KIF6: variants seen among roughly 807,000 people sequenced by gnomAD.
KIF6 encodes kinesin family member 6.
KIF6 carries 106 observed loss-of-function variants against 112.7 expected under a neutral mutation model. The observed-to-expected ratio is 0.94, with a 90% CI of 0.80 to 1.11. The LOEUF (loss-of-function observed/expected upper bound fraction) is 1.11, where lower values mean the gene tolerates loss of function less well. KIF6 is among the 50% of genes least tolerant of loss of function. The pLI, the probability that KIF6 is intolerant of heterozygous loss-of-function variation, is 0.00. For missense variants in KIF6, 929 were observed against 964.0 expected, an observed-to-expected ratio of 0.96 and a Z score of 0.48; for synonymous variants, 339 against 339.9, an observed-to-expected ratio of 1.00 and a Z score of 0.03.
At chr6:39,399,746 C>T (rs537053881) in intron 15 of KIF6, among the ~76,000 whole-genome samples, 2 of 152,354 alleles carry the variant, frequency 1.3e-5, no homozygotes, top group East Asian at 3.9e-4. Flanking sequence ...GGCTGGAAGC[C>T]TATGGGTCAA....
chr6:39,550,456 G>A (rs1340643266), intron 10 of KIF6, among the ~76,000 whole-genome samples: 1 of 152,224 alleles, frequency 6.6e-6, no homozygotes, highest in Non-Finnish European at 1.5e-5. Flanking sequence ...GCATGCAGCA[G>A]CACAGTATTA....
intron 3 of KIF6, among the ~76,000 whole-genome samples, chr6:39,679,202 C>A (rs917601536): frequency 6.6e-6 from 1 of 152,096 alleles, no homozygotes; most frequent in Non-Finnish European, 1.5e-5. Context: ...CTAACTGTAC[C>A]TACTTGTGTG....
At chr6:39,438,249 C>T (rs1771681017) in intron 13 of KIF6, among the ~76,000 whole-genome samples, 1 of 152,216 alleles carries the variant, frequency 6.6e-6, no homozygotes, top group Non-Finnish European at 1.5e-5. Flanking sequence ...ACTGGGATTA[C>T]AGGTGTGAGC....
rs145128477 is a variant in KIF6 at position 39,613,197 on chromosome 6, T to A, written c.631A>T (p.Ile211Phe). 1 of 1,593,254 alleles carries A rather than the reference T, an allele frequency of 6.3e-7. No homozygotes were observed. The highest frequency in any genetic ancestry group is 2.3e-5 in the East Asian group (1 of 43,776). Residue 211 changes from isoleucine to phenylalanine, a missense_variant, in exon 6 of 23, where the codon ATT becomes TTT. By Grantham distance (21) the Ile-to-Phe change is conservative (BLOSUM62 0). This residue lies in a region of KIF6 where 688 missense variants were observed against 662.7 expected (regional missense o/e 1.04). Coordinates refer to ENST00000287152, the MANE Select transcript of KIF6 (RefSeq NM_145027.6). ...AGAGAGAAGTTTATTACCTCTGCAA[T>A]CATTCGGTTGGTGTCTCCTAAAAAA... ...LLFLGDTNRM[I>F]AETPMNQAST...
At chr6:39,404,022 G>T (rs922524822) in intron 15 of KIF6, among the ~76,000 whole-genome samples, 7 of 151,440 alleles carry the variant, frequency 4.6e-5, no homozygotes, top group African/African-American at 1.7e-4. Flanking sequence ...TTTTCTGAGT[G>T]TTGAATTTTG....
In KIF6 at chr6:39,586,253, C is replaced by T. The variant is rs756604376; in HGVS notation, c.990+8G>A. The T allele has an allele frequency of 4.4e-5, 71 of 1,613,892 alleles. No homozygotes were observed. The South Asian group carries it at 7.4e-4, about 17-fold the overall frequency. ...GATTAAGATCTCCAGAAAGAAGAGC[C>T]CACATACATCAAGATTCCTTTTCTC... On this transcript the variant is annotated splice_region_variant and intron_variant, in intron 8 of 22. Transcript: ENST00000287152.
chr6:39,544,234 C>A (rs923998367), intron 12 of KIF6, among the ~76,000 whole-genome samples: 3 of 152,018 alleles, frequency 2.0e-5, no homozygotes, highest in Admixed American at 1.3e-4. Context: ...AAAGAGAACA[C>A]AACAGAGGAG....
intron 13 of KIF6, among the ~76,000 whole-genome samples, chr6:39,505,520 C>A (rs1052356729): frequency 6.6e-6 from 1 of 152,068 alleles, no homozygotes; most frequent in Non-Finnish European, 1.5e-5. Flanking sequence ...TTAAACTAAA[C>A]AGCTTCTGCA....
In KIF6 at chr6:39,375,753, G is replaced by C. The variant is rs114264038; in HGVS notation, c.1861+9869C>G. On this transcript the variant is annotated intron_variant, in intron 16 of 22. Transcript: ENST00000287152. ...TAGGATTTCTCAGCCTCCACACTGA[G>C]TGAGCCAATTCCTTCCAAAAAATCT... 7.8e-3 allele frequency among the ~76,000 whole-genome samples: 1,188 copies of C among 152,284 alleles called. 16 individuals are homozygous for C. The highest frequency in any genetic ancestry group is 0.027 in the African/African-American group (1,140 of 41,548).
At chr6:39,520,038 AAACT>A (rs914129522) in intron 13 of KIF6, among the ~76,000 whole-genome samples, 9 of 152,128 alleles carry the variant, frequency 5.9e-5, no homozygotes, top group African/African-American at 1.2e-4. Flanking sequence ...ACAAATAAAC[AAACT>A]AACAAAAAAA....
rs1241829270 is a variant in KIF6, at chr6:39,335,220, C to CTA, written c.*1310_*1311dup. ...AAAATGGTAATGGGATAGGGGATAACTAGGGGGTGACTCGAGATGGAGTGG... is the reference window on the plus strand; with the variant it reads ...AAAATGGTAATGGGATAGGGGATAACTATAGGGGGTGACTCGAGATGGAGTGG... On this transcript the variant is annotated 3_prime_UTR_variant, in exon 23 of 23. Coordinates refer to ENST00000287152, the MANE Select transcript of KIF6 (RefSeq NM_145027.6). 1 of 152,030 alleles carries CTA rather than the reference C, an allele frequency of 6.6e-6. No individual in the cohort carries two copies. Among genetic ancestry groups the CTA allele is most frequent in the Non-Finnish European group, 1.5e-5 (1 of 68,016 alleles). 9.4% of individuals were successfully genotyped at this position (152,030 alleles called of 1,614,324 possible).
chr6:39,349,559 G>T (rs559968757), intron 19 of KIF6, among the ~76,000 whole-genome samples: 3 of 151,852 alleles, frequency 2.0e-5, no homozygotes, highest in Non-Finnish European at 4.4e-5. Flanking sequence ...GCAGAGGGCA[G>T]GGGGAGCAGT....
intron 13 of KIF6, among the ~76,000 whole-genome samples, chr6:39,524,180 CAG>C (rs1777573973): frequency 1.3e-5 from 2 of 151,170 alleles, no homozygotes; most frequent in Non-Finnish European, 2.9e-5. Context: ...GAGATAGAAA[CAG>C]AGAGAGAGTG....
chr6:39,613,314 C>G lies in KIF6; in HGVS notation c.514G>C (p.Val172Leu). The change falls in exon 6 of 23, where the codon GTG becomes CTG. Residue 172 changes from valine to leucine, a missense_variant. Physicochemically the swap from Val to Leu is conservative, Grantham distance 32 (BLOSUM62 1). Transcript: ENST00000287152. Reference sequence around the variant, plus strand: ...TGATCAGGATCCTCCAGTATTGTCACTTTCCTAAGCAAATGGGAAGCAAGA... The same window carrying G: ...TGATCAGGATCCTCCAGTATTGTCAGTTTCCTAAGCAAATGGGAAGCAAGA... ...EASSLEDLPKVTILEDPDQNI... is the reference protein window; with the variant it reads ...EASSLEDLPKLTILEDPDQNI... The G allele has an allele frequency of 6.3e-7, 1 of 1,575,194 alleles. No homozygotes were observed. Among genetic ancestry groups the G allele is most frequent in the South Asian group, 1.2e-5 (1 of 84,076 alleles).
At chr6:39,438,877 A>G (rs1343500166) in intron 13 of KIF6, among the ~76,000 whole-genome samples, 1 of 152,096 alleles carries the variant, frequency 6.6e-6, no homozygotes, top group African/African-American at 2.4e-5. Flanking sequence ...AGGTGTTTTT[A>G]TTTTTATACT....
At chr6:39,359,721 G>A (rs55812263) in intron 18 of KIF6, among the ~76,000 whole-genome samples, 1 of 152,084 alleles carries the variant, frequency 6.6e-6, no homozygotes, top group Non-Finnish European at 1.5e-5. Flanking sequence ...AGGTAGCTGA[G>A]ACTATAGGCA....
At chr6:39,597,418 G>A (rs1782334140) in intron 6 of KIF6, among the ~76,000 whole-genome samples, 1 of 152,194 alleles carries the variant, frequency 6.6e-6, no homozygotes, top group African/African-American at 2.4e-5. Context: ...ACAGTGTGGT[G>A]CTGGTGCTGG....
At chr6:39,685,443 G>A (rs1424954291) in intron 3 of KIF6, among the ~76,000 whole-genome samples, 1 of 152,214 alleles carries the variant, frequency 6.6e-6, no homozygotes, top group Non-Finnish European at 1.5e-5. Context: ...AGCTGAAAGT[G>A]AGAGCAAGGG....
chr6:39,696,655 A>AAT (rs894334988), intron 3 of KIF6, among the ~76,000 whole-genome samples: 8 of 151,306 alleles, frequency 5.3e-5, no homozygotes, highest in African/African-American at 1.7e-4. Context: ...ATAATATATA[A>AAT]ATATATATAT....
Sources: allele counts gnomAD v4.1 joint callset (sites outside exome capture counted in the v4.1 genomes callset), GRCh38; gene constraint gnomAD v4.1.1; regional missense constraint gnomAD v4.1.1; transcripts MANE v1.5; gene names NCBI Gene and HGNC (gene_info 2026-07-23, HGNC 2026-07-21).